The following LONP2 variants were observed in gnomAD, a reference collection of about 807,000 sequenced individuals.
LONP2 encodes lon protease homolog 2, peroxisomal.
A neutral mutation model predicts 85.6 loss-of-function variants in LONP2; 60 were observed. That is an observed-to-expected ratio of 0.70 (90% CI 0.57 to 0.87). The LOEUF (loss-of-function observed/expected upper bound fraction) is 0.87. Ranked by LOEUF, LONP2 falls within the 40% of genes least tolerant of loss-of-function variation. The pLI, the probability that LONP2 is intolerant of heterozygous loss-of-function variation, is 0.00. For synonymous variants in LONP2, 395 were observed against 389.7 expected (o/e 1.01, Z -0.16); for missense variants, 860 against 1,063.5 (o/e 0.81, Z 2.66).
intron 8 of LONP2, among the ~76,000 whole-genome samples, chr16:48,293,287 G>T (rs958287776): frequency 6.6e-6 from 1 of 152,150 alleles, no homozygotes; most frequent in Non-Finnish European, 1.5e-5. Context: ...AAGTAGCCGT[G>T]CATGGTGGCG....
At chr16:48,299,581 C>CT in intron 9 of LONP2, 81 bp from the exon 10 acceptor site, 3 of 1,353,744 alleles carry the variant, frequency 2.2e-6, no homozygotes, top group South Asian at 1.4e-5. Flanking sequence ...GACTCTGTCT[C>CT]TAAAAAAAAA....
intron 7 of LONP2, among the ~76,000 whole-genome samples, chr16:48,275,255 A>C (rs1365341538): frequency 6.6e-6 from 1 of 152,168 alleles, no homozygotes; most frequent in Non-Finnish European, 1.5e-5. Context: ...ATAGGTGAGG[A>C]AACTGAGGCT....
chr16:48,291,859 CTA>C (rs1236187552), intron 8 of LONP2, among the ~76,000 whole-genome samples: 1 of 152,160 alleles, frequency 6.6e-6, no homozygotes, highest in African/African-American at 2.4e-5. Flanking sequence ...TGTTTAAATT[CTA>C]TATGTCTTTT....
chr16:48,257,212 G>A (rs1279644415), intron 3 of LONP2, among the ~76,000 whole-genome samples: 1 of 152,156 alleles, frequency 6.6e-6, no homozygotes, highest in Admixed American at 6.5e-5. Flanking sequence ...TCGAGAGGCT[G>A]AGGCAGGAGA....
At chr16:48,289,906 T>C (rs561285164) in intron 8 of LONP2, among the ~76,000 whole-genome samples, 4 of 152,326 alleles carry the variant, frequency 2.6e-5, no homozygotes, top group East Asian at 1.9e-4. Flanking sequence ...TCATATCTTA[T>C]ATATATTACA....
chr16:48,302,653 T>C (rs375467696), intron 10 of LONP2, among the ~76,000 whole-genome samples: 2 of 152,248 alleles, frequency 1.3e-5, no homozygotes, highest in South Asian at 2.1e-4. Context: ...TTTAGAAATC[T>C]TCACAATGAA....
chr16:48,256,435 T>C (rs533825081), intron 2 of LONP2, among the ~76,000 whole-genome samples, 175 bp from the exon 3 acceptor site: 2 of 152,392 alleles, frequency 1.3e-5, no homozygotes, highest in African/African-American at 4.8e-5. Flanking sequence ...GATTGATGTT[T>C]TGAAAGTACT....
chr16:48,260,674 A>G (rs981830026), intron 4 of LONP2, among the ~76,000 whole-genome samples: 3 of 152,234 alleles, frequency 2.0e-5, no homozygotes, highest in Non-Finnish European at 4.4e-5. Flanking sequence ...TTGTTTATTC[A>G]TGAATTTCAA....
At chr16:48,280,173 T>C (rs889541570) in intron 8 of LONP2, among the ~76,000 whole-genome samples, 3 of 152,226 alleles carry the variant, frequency 2.0e-5, no homozygotes, top group South Asian at 2.1e-4. Context: ...ATAGTGAACA[T>C]TATTTAAGAT....
At chr16:48,281,052 A>G (rs1342710016) in intron 8 of LONP2, among the ~76,000 whole-genome samples, 2 of 152,182 alleles carry the variant, frequency 1.3e-5, no homozygotes, top group African/African-American at 2.4e-5. Context: ...ATCTTTCTAC[A>G]TAGAAAACCT....
At chr16:48,329,225 A>G (rs997791226) in intron 11 of LONP2, among the ~76,000 whole-genome samples, 2 of 152,206 alleles carry the variant, frequency 1.3e-5, no homozygotes, top group Non-Finnish European at 2.9e-5. Context: ...GTCCAAAAAT[A>G]TTAACTGGAA....
At chr16:48,249,537 C>CT (rs769467901) in intron 1 of LONP2, among the ~76,000 whole-genome samples, 8 of 152,164 alleles carry the variant, frequency 5.3e-5, no homozygotes, top group Non-Finnish European at 8.8e-5. Context: ...ACCAGGTACT[C>CT]TGTTTCTAGC....
At chr16:48,287,625 C>T (rs997892059) in intron 8 of LONP2, among the ~76,000 whole-genome samples, 2 of 152,172 alleles carry the variant, frequency 1.3e-5, no homozygotes, top group African/African-American at 2.4e-5. Flanking sequence ...TACCCCCTAA[C>T]AGGATTGCTA....
At chr16:48,343,092 C>T (rs1397985400) in intron 12 of LONP2, among the ~76,000 whole-genome samples, 1 of 152,234 alleles carries the variant, frequency 6.6e-6, no homozygotes, top group Non-Finnish European at 1.5e-5. Context: ...GCTCCCCACA[C>T]TGGAGTATAA....
chr16:48,253,267 C>G (rs536669823), intron 2 of LONP2, among the ~76,000 whole-genome samples: 1 of 151,614 alleles, frequency 6.6e-6, no homozygotes, highest in Non-Finnish European at 1.5e-5. Flanking sequence ...CCCAGTAGTT[C>G]GAGATCAGCC....
At chr16:48,341,690 T>C (rs888195891) in intron 12 of LONP2, among the ~76,000 whole-genome samples, 1 of 152,198 alleles carries the variant, frequency 6.6e-6, no homozygotes, top group African/African-American at 2.4e-5. Context: ...TTAGGAACAG[T>C]ATCATAGGTC....
At chr16:48,259,894 A>G (rs1317270528) in intron 4 of LONP2, among the ~76,000 whole-genome samples, 4 of 152,226 alleles carry the variant, frequency 2.6e-5, no homozygotes, top group Non-Finnish European at 5.9e-5. Context: ...AAAGTTTGCC[A>G]TCACTTAAAA....
intron 14 of LONP2, 65 bp from the exon 15 acceptor site, chr16:48,351,516 G>A: frequency 7.9e-7 from 1 of 1,269,512 alleles, no homozygotes; most frequent in Admixed American, 2.3e-5. Context: ...AAAGAAAGCT[G>A]GGTCAGGGTT....
Position 48,334,239 on chromosome 16 carries a change from G to A in LONP2, c.1819G>A (p.Asp607Asn), listed in dbSNP as rs1483689922. The A allele has an allele frequency of 1.9e-6, 3 of 1,613,836 alleles. No homozygotes were observed. Among genetic ancestry groups the A allele is most frequent in the Admixed American group, 1.7e-5 (1 of 59,986 alleles). ...REGCREHILE[D>N]EKPESISDTT... ...AGGTTGCAGAGAACACATCTTAGAAGATGAAAAACCTGAATCTATCAGTGA... is the reference window on the plus strand; with the variant it reads ...AGGTTGCAGAGAACACATCTTAGAAAATGAAAAACCTGAATCTATCAGTGA... Residue 607 changes from aspartate (D) to asparagine (N), a missense_variant, in exon 12 of 15, where the codon GAT (aspartate) becomes AAT (asparagine). Asp to Asn is a conservative substitution (Grantham distance 23). Coordinates refer to ENST00000285737, the MANE Select transcript of LONP2 (RefSeq NM_031490.5).
Sources: gnomAD v4.1 joint callset for allele counts (sites outside exome capture counted in the v4.1 genomes callset) on GRCh38, gnomAD v4.1.1 for gene constraint, MANE v1.5 for transcripts, NCBI Gene and HGNC (gene_info 2026-07-23, HGNC 2026-07-21) for gene names.